Variants in CXCL13 observed in about 807,000 individuals in gnomAD.
CXCL13 encodes C-X-C motif chemokine ligand 13, also known as C-X-C motif chemokine 13.
A neutral mutation model predicts 12.2 loss-of-function variants in CXCL13; 7 were observed. The observed-to-expected ratio is 0.57, with a 90% confidence interval of 0.33 to 1.07. The LOEUF (loss-of-function observed/expected upper bound fraction) is 1.07, where lower values mean the gene tolerates loss of function less well. Ranked by LOEUF, CXCL13 falls within the 50% of genes least tolerant of loss-of-function variation. The probability of loss-of-function intolerance (pLI) is 0.04; values close to 1 mark genes in which losing one functional copy is unlikely to be tolerated. For synonymous variants in CXCL13, 47 were observed against 42.4 expected, an observed-to-expected ratio of 1.11 and a Z score of -0.42; for missense variants, 113 against 127.4, an observed-to-expected ratio of 0.89 and a Z score of 0.55.
chr4:77,516,386 C>T (rs1209362552), intron 1 of CXCL13, among the ~76,000 whole-genome samples: 2 of 152,182 alleles, frequency 1.3e-5, no homozygotes, highest in Admixed American at 6.5e-5. Flanking sequence ...GGAATGGTAC[C>T]AGTTCCTCCT....
intron 1 of CXCL13, among the ~76,000 whole-genome samples, chr4:77,532,941 AT>A (rs1255387977): frequency 2.7e-5 from 4 of 150,866 alleles, no homozygotes; most frequent in Non-Finnish European, 5.9e-5. Flanking sequence ...CATTCATCTA[AT>A]TTTTTTTTAG....
intron 1 of CXCL13, among the ~76,000 whole-genome samples, chr4:77,596,667 C>T (rs1726766971): frequency 6.6e-6 from 1 of 151,660 alleles, no homozygotes; most frequent in Non-Finnish European, 1.5e-5. Context: ...TGCCTCTAGT[C>T]CCAGCTACTG....
intron 1 of CXCL13, among the ~76,000 whole-genome samples, chr4:77,596,601 A>G (rs1432648741): frequency 1.3e-5 from 2 of 152,010 alleles, no homozygotes; most frequent in Non-Finnish European, 2.9e-5. Flanking sequence ...CCTGGCCAAC[A>G]TGGTGAAACC....
intron 1 of CXCL13, among the ~76,000 whole-genome samples, chr4:77,533,153 A>G (rs901817033): frequency 6.6e-6 from 1 of 151,852 alleles, no homozygotes; most frequent in Non-Finnish European, 1.5e-5. Flanking sequence ...TTTTTTCCCC[A>G]TCTTTGTGGT....
upstream of CXCL13, among the ~76,000 whole-genome samples, chr4:77,602,775 G>A (rs57142024): frequency 0.036 from 5,419 of 152,072 alleles, 300 homozygotes; most frequent in African/African-American, 0.12. Flanking sequence ...AAAATAAATT[G>A]TTTCCATTTG....
intron 1 of CXCL13, among the ~76,000 whole-genome samples, chr4:77,516,800 T>A (rs1724433310): frequency 6.6e-6 from 1 of 152,230 alleles, no homozygotes; most frequent in Non-Finnish European, 1.5e-5. Context: ...TTTGTGTCTC[T>A]ATTTCCTTCA....
Position 77,547,413 on chromosome 4 carries a change from C to T in CXCL13, c.-43+35625C>T, listed in dbSNP as rs187465435. Among the ~76,000 whole-genome samples the T allele has an allele frequency of 5.6e-4, 85 of 152,270 alleles. 1 individual carries two copies. Among genetic ancestry groups the T allele is most frequent in the Middle Eastern group, 3.4e-3 (1 of 294 alleles). On this transcript the variant is annotated intron_variant, in intron 1 of 4. Transcript: ENST00000286758. The stretch of plus-strand genomic sequence containing the variant: ...GACTTGCTTTATGAATCTGGATGCT[C>T]CTGTATTGGGTGCATATATATAGTT...
At chr4:77,568,476 T>C (rs570756235) in intron 1 of CXCL13, among the ~76,000 whole-genome samples, 2 of 152,358 alleles carry the variant, frequency 1.3e-5, no homozygotes, top group South Asian at 4.1e-4. Context: ...TGCTTGCTTA[T>C]GCTCATGTCA....
chr4:77,564,469 AG>A (rs1430467994), intron 1 of CXCL13, among the ~76,000 whole-genome samples: 2 of 152,252 alleles, frequency 1.3e-5, no homozygotes, highest in African/African-American at 4.8e-5. Context: ...GTTCTGCATT[AG>A]GCAAACAAAC....
chr4:77,542,602 G>T (rs1024344492), intron 1 of CXCL13, among the ~76,000 whole-genome samples: 1 of 151,988 alleles, frequency 6.6e-6, no homozygotes, highest in Non-Finnish European at 1.5e-5. Flanking sequence ...TTTGGGTGGG[G>T]ACACAGATGC....
chr4:77,548,969 T>C lies in CXCL13; in HGVS notation c.-43+37181T>C, dbSNP rs903693175. ...CCATTCTCCTCATCACTTTCAGGTATACCAATCAAATGTAGATTTGGTCTT... is the reference window on the plus strand; with the variant it reads ...CCATTCTCCTCATCACTTTCAGGTACACCAATCAAATGTAGATTTGGTCTT... On this transcript the variant is annotated intron_variant, in intron 1 of 4. Coordinates refer to the CXCL13 transcript ENST00000286758. 1.5e-4 allele frequency among the ~76,000 whole-genome samples: 23 copies of C among 152,348 alleles called. No homozygotes were observed. The East Asian group carries it at 2.9e-3, about 19-fold the overall frequency.
At chr4:77,570,997 C>A (rs1457215175) in intron 1 of CXCL13, among the ~76,000 whole-genome samples, 2 of 152,006 alleles carry the variant, frequency 1.3e-5, no homozygotes, top group African/African-American at 4.8e-5. Flanking sequence ...AATGCCGCTC[C>A]CTGCTCCACG....
intron 1 of CXCL13, among the ~76,000 whole-genome samples, chr4:77,570,067 G>A (rs1193984084): frequency 6.6e-6 from 1 of 152,186 alleles, no homozygotes; most frequent in Non-Finnish European, 1.5e-5. Context: ...TAACTGGTAA[G>A]CCATATGCAG....
At chr4:77,528,671 GAT>G (rs1317102129) in intron 1 of CXCL13, among the ~76,000 whole-genome samples, 1 of 152,154 alleles carries the variant, frequency 6.6e-6, no homozygotes, top group African/African-American at 2.4e-5. Context: ...GTAGATTCTG[GAT>G]GTTAGCCCTT....
chr4:77,556,544 A>C (rs1238484313), intron 1 of CXCL13, among the ~76,000 whole-genome samples: 1 of 152,194 alleles, frequency 6.6e-6, no homozygotes, highest in Admixed American at 6.5e-5. Flanking sequence ...AAATGTATAC[A>C]TGTGTCAAAA....
In CXCL13 at chr4:77,542,480, A is replaced by G. The variant is rs181397731; in HGVS notation, c.-43+30692A>G. Among the ~76,000 whole-genome samples, 4 of 152,168 alleles carry G rather than the reference A, an allele frequency of 2.6e-5. No homozygotes were observed. In the East Asian group the frequency reaches 7.7e-4, roughly 29 times the overall value. On this transcript the variant is annotated intron_variant, in intron 1 of 4. Transcript: ENST00000286758. ...TATTGAAATGAGTGCAAGGTGTCTT[A>G]GTCTGTTCTCATATTGCTATAGCAG...
At chr4:77,602,604 G>T (rs1255832651), upstream of CXCL13, among the ~76,000 whole-genome samples, 4 of 151,478 alleles carry the variant, frequency 2.6e-5, no homozygotes, top group African/African-American at 4.9e-5. Context: ...GTTATGCTTG[G>T]GTCTGGAAAG....
At chr4:77,570,309 C>T (rs1457115994) in intron 1 of CXCL13, among the ~76,000 whole-genome samples, 3 of 152,206 alleles carry the variant, frequency 2.0e-5, no homozygotes, top group Admixed American at 1.3e-4. Flanking sequence ...GCAAAAGAAA[C>T]TATCAACAGA....
At chr4:77,584,874 G>A (rs1578065583) in intron 1 of CXCL13, among the ~76,000 whole-genome samples, 2 of 152,144 alleles carry the variant, frequency 1.3e-5, no homozygotes, top group East Asian at 3.8e-4. Flanking sequence ...AGAAATACTA[G>A]GCATCACAAT....
Sources: allele counts gnomAD v4.1 joint callset (sites outside exome capture counted in the v4.1 genomes callset), GRCh38; gene constraint gnomAD v4.1.1; transcripts MANE v1.5; gene names NCBI Gene and HGNC (gene_info 2026-07-23, HGNC 2026-07-21).